HELZ: variants seen among roughly 807,000 people sequenced by gnomAD.
HELZ encodes helicase with zinc finger, also known as ATP-dependent RNA helicase with zinc finger domain.
Under a neutral mutation model 218.2 loss-of-function variants are expected in HELZ, and 23 were observed. That is an observed-to-expected ratio of 0.11 (90% CI 0.08 to 0.15). HELZ has a LOEUF of 0.15. HELZ is among the 10% of genes least tolerant of loss of function. The pLI, the probability that HELZ is intolerant of heterozygous loss-of-function variation, is 1.00. For missense variants in HELZ, 1,813 were observed against 2,353.7 expected, an observed-to-expected ratio of 0.77 and a Z score of 4.75; for synonymous variants, 814 against 829.4, an observed-to-expected ratio of 0.98 and a Z score of 0.32.
intron 22 of HELZ, among the ~76,000 whole-genome samples, chr17:67,137,412 G>A (rs1053653233): frequency 6.6e-6 from 1 of 152,160 alleles, no homozygotes; most frequent in Middle Eastern, 3.2e-3. Context: ...TCTTACTGCT[G>A]TATATTACTC....
At chr17:67,132,203 G>A (rs1488931123) in intron 23 of HELZ, among the ~76,000 whole-genome samples, 1 of 147,670 alleles carries the variant, frequency 6.8e-6, no homozygotes, top group Non-Finnish European at 1.5e-5. Flanking sequence ...AAAATCACTT[G>A]GTGTCCTTAG....
At chr17:67,104,297 G>A (rs2037023904) in intron 31 of HELZ, among the ~76,000 whole-genome samples, 1 of 152,048 alleles carries the variant, frequency 6.6e-6, no homozygotes, top group African/African-American at 2.4e-5. Flanking sequence ...AAATTAGCCG[G>A]GTGTGGTGGT....
intron 5 of HELZ, among the ~76,000 whole-genome samples, chr17:67,213,465 T>C (rs568941987): frequency 6.6e-6 from 1 of 151,926 alleles, no homozygotes; most frequent in East Asian, 1.9e-4. Context: ...CTACTAAAAA[T>C]ACAAAAATTA....
chr17:67,192,041 TA>T (rs1567878424), intron 9 of HELZ, among the ~76,000 whole-genome samples: 1 of 151,566 alleles, frequency 6.6e-6, no homozygotes, highest in African/African-American at 2.4e-5. Flanking sequence ...CTGTCTCTAC[TA>T]AAAATAGAAA....
At chr17:67,184,068 C>G (rs1403145895) in intron 12 of HELZ, among the ~76,000 whole-genome samples, 1 of 150,830 alleles carries the variant, frequency 6.6e-6, no homozygotes, top group Admixed American at 6.6e-5. Context: ...TTTGAATTAA[C>G]TAAAGTAGGA....
chr17:67,238,654 C>G (rs1222713280), intron 3 of HELZ, among the ~76,000 whole-genome samples: 2 of 152,034 alleles, frequency 1.3e-5, no homozygotes, highest in Non-Finnish European at 2.9e-5. Context: ...TCATTGCACT[C>G]CAGCCTAGGT....
rs564591704 is a variant in HELZ at position 67,201,325 on chromosome 17, A to C, written c.373-140T>G. On this transcript the variant is annotated intron_variant, in intron 6 of 32. Transcript: ENST00000358691. ...CTCATCCCTCATCACTACTACCATTAACGATGACAATAAAGCAACACATCT... is the reference window on the plus strand; with the variant it reads ...CTCATCCCTCATCACTACTACCATTCACGATGACAATAAAGCAACACATCT... The C allele has an allele frequency of 1.6e-5, 9 of 565,494 alleles. No individual in the cohort carries two copies. In the East Asian group the frequency reaches 1.9e-4, roughly 12 times the overall value. The allele number at this position is 565,494 out of a possible 1,614,324, so 35.0% of individuals were successfully genotyped here.
chr17:67,153,858 TTTTA>T (rs1234841650), intron 17 of HELZ, among the ~76,000 whole-genome samples: 1 of 152,242 alleles, frequency 6.6e-6, no homozygotes, highest in Non-Finnish European at 1.5e-5. Flanking sequence ...GTGCAAAGTA[TTTTA>T]TTTAATAAGT....
chr17:67,202,540 TA>T (rs2040194935), intron 6 of HELZ, among the ~76,000 whole-genome samples: 1 of 152,188 alleles, frequency 6.6e-6, no homozygotes, highest in South Asian at 2.1e-4. Flanking sequence ...AAATTGATTG[TA>T]AAGTCTGAAT....
chr17:67,167,534 C>T lies in HELZ; in HGVS notation c.1693G>A (p.Glu565Lys). Reference protein sequence around the residue: ...YEATIEEKTKEYIFLRLSREC... With the variant: ...YEATIEEKTKKYIFLRLSREC... ...CTAGATAGCCTTAAAAATATATATTCCTTTGTTTTTTCTTCAATAGTAGCT... is the reference window on the plus strand; with the variant it reads ...CTAGATAGCCTTAAAAATATATATTTCTTTGTTTTTTCTTCAATAGTAGCT... The change falls in exon 14 of 33, where the codon GAA becomes AAA. Residue 565 changes from glutamate (E) to lysine (K), a missense_variant. Glu to Lys is a moderately conservative substitution (Grantham distance 56, BLOSUM62 1). This residue lies in a region of HELZ where 714 missense variants were observed against 1,029.2 expected (regional missense o/e 0.69). Coordinates refer to ENST00000358691, the MANE Select transcript of HELZ (RefSeq NM_014877.4). 2 of 1,613,706 alleles carry T rather than the reference C, an allele frequency of 1.2e-6. No individual in the cohort carries two copies. The highest frequency in any genetic ancestry group is 1.7e-6 in the Non-Finnish European group (2 of 1,179,634).
Position 67,109,650 on chromosome 17 carries a change from C to T in HELZ, c.3955G>A (p.Glu1319Lys). 6.2e-7 allele frequency: 1 copy of T among 1,613,910 alleles called. No homozygotes were observed. Among genetic ancestry groups the T allele is most frequent in the African/African-American group, 1.3e-5 (1 of 75,004 alleles). ...GGATAAACAACACTAGGACGTGATT[C>T]AGGACTTCTGTTCTGTGGATTTGAT... is the stretch of plus-strand genomic sequence containing the variant. ...LESNPQNRSPESRPSVVYPST... is the reference protein window; with the variant it reads ...LESNPQNRSPKSRPSVVYPST... Residue 1319 changes from glutamate (E) to lysine (K), a missense_variant, in exon 29 of 33, where the codon GAA (glutamate) becomes AAA (lysine). By Grantham distance (56) the Glu-to-Lys change is moderately conservative. This residue lies in a region of HELZ where 938 missense variants were observed against 1,027.5 expected (regional missense o/e 0.91). Transcript: ENST00000358691.
At position 67,145,876 on chromosome 17, in the gene HELZ, A is replaced by T. The variant is rs2038478294; in HGVS notation, c.2636T>A (p.Leu879His). 1 of 1,612,710 alleles carries T rather than the reference A, an allele frequency of 6.2e-7. No individual in the cohort carries two copies. The highest frequency in any genetic ancestry group is 1.1e-5 in the South Asian group (1 of 90,570). The change falls in exon 21 of 33, where the codon CTT becomes CAT. Residue 879 changes from leucine to histidine, a missense_variant. Physicochemically the swap from Leu to His is moderately conservative, Grantham distance 99 (BLOSUM62 -3). Around this residue, in one of 4 missense-constraint regions of HELZ, gnomAD observed 5 missense variants for 22.6 expected, o/e 0.22. Coordinates refer to ENST00000358691, the MANE Select transcript of HELZ (RefSeq NM_014877.4). ...GGCCATCAGTTTGCCCTCATAGAAA[A>T]GCTCAGAGGTATAACTGCAGTAAAA... is the stretch of plus-strand genomic sequence containing the variant. ...HEAIINYTSE[L>H]FYEGKLMASG...
At chr17:67,245,489 G>A (rs944362734), upstream of HELZ, 28 of 985,744 alleles carry the variant, frequency 2.8e-5, no homozygotes, top group African/African-American at 4.4e-4. Flanking sequence ...TGCCCGGGCA[G>A]ACGCCCCGCG....
intron 32 of HELZ, among the ~76,000 whole-genome samples, chr17:67,086,297 T>C (rs2036368173): frequency 6.6e-6 from 1 of 152,030 alleles, no homozygotes; most frequent in Non-Finnish European, 1.5e-5. Context: ...GGACATAAAA[T>C]ATGGAACTGG....
intron 15 of HELZ, among the ~76,000 whole-genome samples, chr17:67,164,310 T>C (rs893084311): frequency 6.6e-6 from 1 of 152,130 alleles, no homozygotes; most frequent in Non-Finnish European, 1.5e-5. Flanking sequence ...AATATTGACA[T>C]GGAAGGGTCA....
At chr17:67,107,075 T>A (rs1278120212) in intron 31 of HELZ, 94 bp downstream of exon 31, 2 of 1,160,422 alleles carry the variant, frequency 1.7e-6, no homozygotes, top group African/African-American at 3.1e-5. Flanking sequence ...GCTGTTAAAT[T>A]CAATAAGATC....
intron 15 of HELZ, among the ~76,000 whole-genome samples, chr17:67,163,416 T>G (rs1009275170): frequency 2.0e-5 from 3 of 152,172 alleles, no homozygotes; most frequent in African/African-American, 7.2e-5. Context: ...TTTTCTTTTT[T>G]GAGACAGAGT....
At chr17:67,173,563 C>T (rs573846582) in intron 13 of HELZ, among the ~76,000 whole-genome samples, 3 of 152,268 alleles carry the variant, frequency 2.0e-5, no homozygotes, top group Non-Finnish European at 4.4e-5. Flanking sequence ...AAATTTCAAA[C>T]CTATATAGGG....
At chr17:67,138,221 C>CA in intron 21 of HELZ, 107 bp from the exon 22 acceptor site, 1 of 620,780 alleles carries the variant, frequency 1.6e-6, no homozygotes, top group Non-Finnish European at 2.3e-6. Context: ...TAGCAGATGT[C>CA]ATTTAAAAAA....
Sources: gnomAD v4.1 joint callset for allele counts (sites outside exome capture counted in the v4.1 genomes callset) on GRCh38, gnomAD v4.1.1 for gene constraint, gnomAD v4.1.1 regional missense constraint, MANE v1.5 for transcripts, NCBI Gene and HGNC (gene_info 2026-07-23, HGNC 2026-07-21) for gene names.